The following WAPL variants were observed in gnomAD, a reference collection of about 807,000 sequenced individuals.
WAPL encodes the protein WAPL cohesin release factor.
A neutral mutation model predicts 121.0 loss-of-function variants in WAPL; 5 were observed. That is an observed-to-expected ratio of 0.04 (90% confidence interval 0.02 to 0.09). The LOEUF is 0.09. Ranked by LOEUF, WAPL falls within the 10% of genes least tolerant of loss-of-function variation. The pLI is 1.00. For missense variants in WAPL, 999 were observed against 1,410.8 expected (o/e 0.71, Z 4.68); for synonymous variants, 480 against 481.5 (o/e 1.00, Z 0.04).
chr10:86,452,216 T>A, intron 14 of WAPL, 85 bp from the exon 15 acceptor site: 2 of 1,316,954 alleles, frequency 1.5e-6, no homozygotes, highest in Non-Finnish European at 2.1e-6. Context: ...TAATGGCAAC[T>A]AAAAAGCTGA....
chr10:86,440,251 A>T lies in WAPL; in HGVS notation c.3412-2236T>A, dbSNP rs188023411. 1.6e-4 allele frequency among the ~76,000 whole-genome samples: 25 copies of T among 152,284 alleles called. No homozygotes were observed. In the East Asian group the frequency reaches 4.8e-3, roughly 29 times the overall value. ...ACTAAACCTATAGTGTGTAAAAAAC[A>T]GAGTATCTAAAAATCTTTAAATTTA... On this transcript the variant is annotated intron_variant, in intron 17 of 18. Coordinates refer to ENST00000298767, the MANE Select transcript of WAPL (RefSeq NM_015045.5).
At chr10:86,520,116 A>G (rs763038380) in intron 1 of WAPL, among the ~76,000 whole-genome samples, 3 of 152,200 alleles carry the variant, frequency 2.0e-5, no homozygotes, top group Non-Finnish European at 4.4e-5. Flanking sequence ...ACCAACATGG[A>G]GAAACCACGT....
intron 1 of WAPL, among the ~76,000 whole-genome samples, chr10:86,518,300 C>T (rs1318301404): frequency 6.6e-6 from 1 of 152,168 alleles, no homozygotes; most frequent in African/African-American, 2.4e-5. Context: ...ACAATGAGTA[C>T]ATATTCCTAC....
At chr10:86,487,162 G>GGAT (rs1841945046) in intron 4 of WAPL, among the ~76,000 whole-genome samples, 1 of 151,818 alleles carries the variant, frequency 6.6e-6, no homozygotes, top group Admixed American at 6.6e-5. Context: ...TTACAAGCAG[G>GGAT]GATGACAGGC....
intron 15 of WAPL, among the ~76,000 whole-genome samples, chr10:86,447,594 TAA>T (rs150927559): frequency 6.9e-6 from 1 of 145,396 alleles, no homozygotes; most frequent in Non-Finnish European, 1.5e-5. Context: ...GGGACTCTTA[TAA>T]AAAAAAAAAG....
At chr10:86,443,230 G>C (rs1333741983) in intron 17 of WAPL, 45 bp downstream of exon 17, 19 of 1,468,800 alleles carry the variant, frequency 1.3e-5, no homozygotes, top group Non-Finnish European at 1.8e-5. Context: ...CGTTACATTG[G>C]AATCTTTCAA....
At chr10:86,464,234 G>T (rs11594129) in intron 9 of WAPL, among the ~76,000 whole-genome samples, 12 of 152,038 alleles carry the variant, frequency 7.9e-5, no homozygotes, top group African/African-American at 2.9e-4. Context: ...GGGGAAAAGA[G>T]GAATCCTAAA....
At chr10:86,491,241 G>A (rs1057110901) in intron 4 of WAPL, among the ~76,000 whole-genome samples, 8 of 144,926 alleles carry the variant, frequency 5.5e-5, no homozygotes, top group East Asian at 2.2e-4. Context: ...CCGGGTTCGC[G>A]CCATTCTCCT....
chr10:86,512,406 A>G (rs1308705017), intron 2 of WAPL, among the ~76,000 whole-genome samples: 1 of 152,270 alleles, frequency 6.6e-6, no homozygotes, highest in Non-Finnish European at 1.5e-5. Flanking sequence ...AAGTGTGCCA[A>G]GCCGAAATAT....
chr10:86,442,764 G>A (rs1414473052), intron 17 of WAPL, among the ~76,000 whole-genome samples: 1 of 152,080 alleles, frequency 6.6e-6, no homozygotes, highest in Admixed American at 6.5e-5. Context: ...AAATGGCCGG[G>A]CACGGTGGCT....
At chr10:86,451,423 C>G (rs1840977241) in intron 15 of WAPL, among the ~76,000 whole-genome samples, 1 of 151,084 alleles carries the variant, frequency 6.6e-6, no homozygotes, top group South Asian at 2.1e-4. Context: ...GAGTCTTGCT[C>G]TGTTGTCCAG....
intron 2 of WAPL, 23 bp downstream of exon 2, chr10:86,517,548 G>A: frequency 1.3e-6 from 2 of 1,580,400 alleles, no homozygotes; most frequent in Non-Finnish European, 1.7e-6. Flanking sequence ...TCTTGGCGGA[G>A]AATAAAGAAA....
intron 1 of WAPL, among the ~76,000 whole-genome samples, chr10:86,520,766 TAAAA>T (rs10574217): frequency 1.2e-4 from 12 of 98,108 alleles, no homozygotes; most frequent in Non-Finnish European, 1.6e-4. Context: ...CGCTGTGATT[TAAAA>T]AAAAAAAAAA....
intron 4 of WAPL, among the ~76,000 whole-genome samples, chr10:86,481,397 G>T (rs553512455): frequency 2.4e-4 from 37 of 152,152 alleles, no homozygotes; most frequent in African/African-American, 8.2e-4. Flanking sequence ...TTTTGAGACA[G>T]CGTTTCGCTC....
chr10:86,507,615 T>A (rs983989022), intron 2 of WAPL, among the ~76,000 whole-genome samples: 2 of 152,048 alleles, frequency 1.3e-5, no homozygotes, highest in African/African-American at 4.8e-5. Context: ...TCATCAACAA[T>A]CTTCCGCATT....
At position 86,517,844 on chromosome 10, in the gene WAPL, C is replaced by A. The variant is rs769255503; in HGVS notation, c.226G>T (p.Asp76Tyr). Residue 76 changes from aspartate to tyrosine, a missense_variant, in exon 2 of 19, where the codon GAT becomes TAT. Asp to Tyr is a radical substitution (Grantham distance 160). Coordinates refer to ENST00000298767, the MANE Select transcript of WAPL (RefSeq NM_015045.5). Reference sequence around the variant, plus strand: ...ACTGGTAGAGACTCATCATCACTATCAAATCCAAAAGGATCTCCAGTACTT... The same window carrying A: ...ACTGGTAGAGACTCATCATCACTATAAAATCCAAAAGGATCTCCAGTACTT... ...EESTGDPFGF[D>Y]SDDESLPVSS... The A allele has an allele frequency of 1.2e-6, 2 of 1,614,194 alleles. No individual in the cohort carries two copies. Among genetic ancestry groups the A allele is most frequent in the South Asian group, 2.2e-5 (2 of 91,078 alleles).
chr10:86,510,911 C>T (rs547776149), intron 2 of WAPL, among the ~76,000 whole-genome samples: 1 of 152,246 alleles, frequency 6.6e-6, no homozygotes, highest in South Asian at 2.1e-4. Flanking sequence ...TCGCTGCTGC[C>T]CTGAACTGCT....
intron 9 of WAPL, among the ~76,000 whole-genome samples, chr10:86,465,198 T>C (rs1346655979): frequency 6.6e-6 from 1 of 152,162 alleles, no homozygotes; most frequent in Non-Finnish European, 1.5e-5. Context: ...TTTTGTTTGT[T>C]TGGTTTTTTT....
chr10:86,454,023 A>G (rs1841069638), intron 12 of WAPL, among the ~76,000 whole-genome samples, 192 bp from the exon 13 acceptor site: 1 of 152,238 alleles, frequency 6.6e-6, no homozygotes, highest in Non-Finnish European at 1.5e-5. Flanking sequence ...TGTACTATCT[A>G]CATTTACCAC....
Sources: allele counts gnomAD v4.1 joint callset (sites outside exome capture counted in the v4.1 genomes callset), GRCh38; gene constraint gnomAD v4.1.1; transcripts MANE v1.5; gene names NCBI Gene and HGNC (gene_info 2026-07-23, HGNC 2026-07-21).